Variants in EMC10 observed in about 807,000 individuals in gnomAD.
EMC10 encodes ER membrane protein complex subunit 10.
A neutral mutation model predicts 32.2 loss-of-function variants in EMC10; 40 were observed. The observed-to-expected ratio is 1.24, with a 90% CI of 0.96 to 1.61. The LOEUF is 1.61. EMC10 is among the 40% of genes most tolerant of loss of function. The pLI, the probability that EMC10 is intolerant of heterozygous loss-of-function variation, is 0.00. For synonymous variants in EMC10, 178 were observed against 158.4 expected, an observed-to-expected ratio of 1.12 and a Z score of -0.93; for missense variants, 402 against 357.7, an observed-to-expected ratio of 1.12 and a Z score of -1.00.
chr19:50,478,078 C>T, intron 2 of EMC10, 77 bp downstream of exon 2: 1 of 1,231,516 alleles, frequency 8.1e-7, no homozygotes, highest in East Asian at 2.6e-5. Context: ...CTGGGTGCCT[C>T]CCGTCGTATG....
At chr19:50,481,579 C>G in intron 6 of EMC10, 2 of 477,024 alleles carry the variant, frequency 4.2e-6, no homozygotes, top group Non-Finnish European at 7.4e-6. Flanking sequence ...GGAGCCCAGG[C>G]AGGCCAAGGC....
rs1978519623 is a variant in EMC10, at chr19:50,489,213, C to G, written c.*6954C>G. ...AAAGAACAGGCCGGGCATGGTGCCT[C>G]GCACCTGTGGTCCCAGCACTTTGAG... On this transcript the variant is annotated 3_prime_UTR_variant, in exon 7 of 7. Transcript: ENST00000334976. 1 of 152,428 alleles carries G rather than the reference C, an allele frequency of 6.6e-6. No individual in the cohort carries two copies. Among genetic ancestry groups the G allele is most frequent in the Non-Finnish European group, 1.5e-5 (1 of 68,254 alleles). The allele number at this position is 152,428 out of a possible 1,614,324, so 9.4% of individuals were successfully genotyped here. A position where few individuals can be genotyped will look rare whatever the true frequency, so the allele number is the denominator to read the frequency against.
chr19:50,490,302 A>C lies in EMC10; in HGVS notation c.*8043A>C, dbSNP rs888285732. The C allele has an allele frequency of 6.6e-6, 1 of 151,988 alleles. No homozygotes were observed. Among genetic ancestry groups the C allele is most frequent in the Non-Finnish European group, 1.5e-5 (1 of 68,000 alleles). 9.4% of individuals were successfully genotyped at this position (151,988 alleles called of 1,614,324 possible). A position where few individuals can be genotyped will look rare whatever the true frequency, so the allele number is the denominator to read the frequency against. ...CTAATTTTTGTATTTTTTAGTAGAGACGGGGTTTCACCATTTTGGCTAGGC... is the reference window on the plus strand; with the variant it reads ...CTAATTTTTGTATTTTTTAGTAGAGCCGGGGTTTCACCATTTTGGCTAGGC... On this transcript the variant is annotated 3_prime_UTR_variant, in exon 7 of 7. Transcript: ENST00000334976.
Position 50,480,358 on chromosome 19 carries a change from C to T in EMC10, c.402+143C>T. ...CAGACCTGGCCTTGCCTTCCGAGGC[C>T]TCCTGGTCTGGAGGGGTCGGTCCAG... On this transcript the variant is annotated intron_variant, in intron 4 of 6. Coordinates refer to ENST00000334976, the MANE Select transcript of EMC10 (RefSeq NM_206538.4). The surrounding 1 kb of genome is among the most constrained non-coding windows in gnomAD (Gnocchi z 4.4). 5.9e-6 allele frequency: 6 copies of T among 1,009,452 alleles called. No homozygotes were observed. Among genetic ancestry groups the T allele is most frequent in the Non-Finnish European group, 7.3e-6 (5 of 683,640 alleles). The allele number at this position is 1,009,452 out of a possible 1,614,324, so 62.5% of individuals were successfully genotyped here.
At chr19:50,477,222 G>A (rs1414635498) in intron 1 of EMC10, 1 of 152,360 alleles carries the variant, frequency 6.6e-6, no homozygotes, top group Non-Finnish European at 1.5e-5. Flanking sequence ...GCTCAAAATG[G>A]TGAAACCCCG....
In EMC10 at chr19:50,478,988, A is replaced by C. The variant is rs778711905; in HGVS notation, c.219A>C (p.Ser73=). Residue 73 remains serine, a synonymous_variant, in exon 3 of 7, where the codon TCA becomes TCC. Transcript: ENST00000334976. ...DDSANFRKRG[S]LLWNQQDGTL... is the part of the protein sequence containing the mutation. ...GTGCCAACTTCCGGAAGCGGGGCTC[A>C]CTGCTCTGGAACCAGCAGGATGGTA... 1 of 1,611,146 alleles carries C rather than the reference A, an allele frequency of 6.2e-7. No individual in the cohort carries two copies. The highest frequency in any genetic ancestry group is 1.1e-5 in the South Asian group (1 of 90,590).
chr19:50,481,024 G>A (rs746540114), intron 6 of EMC10, 47 bp downstream of exon 6: 253 of 1,488,140 alleles, frequency 1.7e-4, no homozygotes, highest in Non-Finnish European at 2.3e-4. Context: ...TGACAGTCCC[G>A]GTGCCTGGCC....
chr19:50,484,926 G>C lies in EMC10; in HGVS notation c.*2667G>C, dbSNP rs1417265207. ...CTTCCCCTCCCTGGAGGCAGCCTGA[G>C]TTTTCTGTCCCCTGGTATGCTGCAG... On this transcript the variant is annotated 3_prime_UTR_variant, in exon 7 of 7. Coordinates refer to ENST00000334976, the MANE Select transcript of EMC10 (RefSeq NM_206538.4). 6.6e-6 allele frequency: 1 copy of C among 152,206 alleles called. No individual in the cohort carries two copies. The highest frequency in any genetic ancestry group is 1.5e-5 in the Non-Finnish European group (1 of 68,060). 9.4% of individuals were successfully genotyped at this position (152,206 alleles called of 1,614,324 possible).
Position 50,480,776 on chromosome 19 carries a change from G to C in EMC10, c.584+14G>C, listed in dbSNP as rs2040307166. On this transcript the variant is annotated intron_variant, in intron 5 of 6. Coordinates refer to ENST00000334976, the MANE Select transcript of EMC10 (RefSeq NM_206538.4). The surrounding 1 kb of genome is among the most constrained non-coding windows in gnomAD (Gnocchi z 4.4). ...CACAGCCCCAGGGTGAGCCTCTGCT[G>C]CCTTCGCGGCGCTCTTGCCACCTGC... is the stretch of plus-strand genomic sequence containing the variant. 1 of 1,573,810 alleles carries C rather than the reference G, an allele frequency of 6.4e-7. No individual in the cohort carries two copies. The highest frequency in any genetic ancestry group is 8.6e-7 in the Non-Finnish European group (1 of 1,158,266).
In EMC10 at chr19:50,479,055, G is replaced by GT. The variant is rs1230219437; in HGVS notation, c.286_287insT (p.Gly96ValfsTer77). On this transcript the variant is annotated frameshift_variant, in exon 3 of 7. Coordinates refer to ENST00000334976, the MANE Select transcript of EMC10 (RefSeq NM_206538.4). LOFTEE classifies it high-confidence loss of function. ...GCGGCAGCTCAGCGAGGAGGAGCGG[G>GT]GCCGACTCCGGGTGAGGTGGGGCCC... 1 of 1,604,396 alleles carries GT rather than the reference G, an allele frequency of 6.2e-7. No individual in the cohort carries two copies. The highest frequency in any genetic ancestry group is 2.2e-5 in the East Asian group (1 of 44,450).
At chr19:50,477,576 T>A (rs1178762651) in intron 1 of EMC10, among the ~76,000 whole-genome samples, 3 of 152,044 alleles carry the variant, frequency 2.0e-5, no homozygotes, top group African/African-American at 7.3e-5. Context: ...GGCTGTCAGG[T>A]GATAAGGAGG....
At chr19:50,481,945 T>C (rs2040326207) in intron 6 of EMC10, 2 of 1,607,912 alleles carry the variant, frequency 1.2e-6, no homozygotes, top group African/African-American at 1.3e-5. Context: ...ACAGGAGGCC[T>C]GAGTGAGGAC....
chr19:50,476,539 G>T lies in EMC10; in HGVS notation c.-6G>T, dbSNP rs150737582. 1.0e-5 allele frequency: 16 copies of T among 1,571,494 alleles called. No homozygotes were observed. The highest frequency in any genetic ancestry group is 2.3e-4 in the Middle Eastern group (1 of 4,410). On this transcript the variant is annotated 5_prime_UTR_variant, in exon 1 of 7. Transcript: ENST00000334976. ...GCCGTCCCTTCGCTGGTGGGAAGAA[G>T]CCGAGATGGCGGCAGCCAGCGCTGG...
rs765664334 is a variant in EMC10, at chr19:50,480,883, G to T, written c.585-1G>T. ...CTTCTCCTCCTCTCCCCTTGCCCCA[G>T]CCCTGAGACGGCGGCCTTCATTGAG... On this transcript the variant is annotated splice_acceptor_variant, in intron 5 of 6. Transcript: ENST00000334976. LOFTEE classifies it high-confidence loss of function. The surrounding 1 kb of genome is among the most constrained non-coding windows in gnomAD (Gnocchi z 4.4). The T allele has an allele frequency of 8.7e-5, 140 of 1,604,164 alleles. No homozygotes were observed. The highest frequency in any genetic ancestry group is 1.2e-4 in the Non-Finnish European group (137 of 1,173,240).
rs1251980426 is a variant in EMC10 at position 50,477,962 on chromosome 19, G to A, written c.148G>A (p.Gly50Ser). Reference sequence around the variant, plus strand: ...GGAAGGTCGAGAGGGCGAGGCCTGTGGCACGGTGGGGCTGCTGCTGGAGCA... The same window carrying A: ...GGAAGGTCGAGAGGGCGAGGCCTGTAGCACGGTGGGGCTGCTGCTGGAGCA... ...GAEGREGEAC[G>S]TVGLLLEHSF... is the part of the protein sequence containing the mutation. Residue 50 changes from glycine (G) to serine (S), a missense_variant, in exon 2 of 7, where the codon GGC becomes AGC. By Grantham distance (56) the Gly-to-Ser change is moderately conservative (BLOSUM62 0). Transcript: ENST00000334976. 2 of 1,601,910 alleles carry A rather than the reference G, an allele frequency of 1.2e-6. No individual in the cohort carries two copies. Among genetic ancestry groups the A allele is most frequent in the African/African-American group, 1.4e-5 (1 of 73,932 alleles).
At position 50,480,960 on chromosome 19, in the gene EMC10, T is replaced by G; in HGVS notation, c.661T>G (p.Ser221Ala). 1 of 1,612,096 alleles carries G rather than the reference T, an allele frequency of 6.2e-7. No individual in the cohort carries two copies. Residue 221 changes from serine (S) to alanine (A), a missense_variant, in exon 6 of 7, where the codon TCC (serine) becomes GCC (alanine). By Grantham distance (99) the Ser-to-Ala change is moderately conservative. Transcript: ENST00000334976. The surrounding 1 kb of genome is among the most constrained non-coding windows in gnomAD (Gnocchi z 4.4). The stretch of plus-strand genomic sequence containing the variant: ...GGCCAAGAACCCCCAGGAGCAGAAG[T>G]CCTTCTTCGCCAAATACGTGAGTGG... ...QKAKNPQEQK[S>A]FFAKYWMYII... is the part of the protein sequence containing the mutation.
In EMC10 at chr19:50,489,705, C is replaced by G. The variant is rs1265102413; in HGVS notation, c.*7446C>G. 2 of 152,564 alleles carry G rather than the reference C, an allele frequency of 1.3e-5. No individual in the cohort carries two copies. Among genetic ancestry groups the G allele is most frequent in the African/African-American group, 4.8e-5 (2 of 41,394 alleles). 9.5% of individuals were successfully genotyped at this position (152,564 alleles called of 1,614,324 possible). ...GGGAGAGAAAGGACAACGAATGGGA[C>G]TAGACGAGGATGGGGAGGAACAGAG... is the stretch of plus-strand genomic sequence containing the variant. On this transcript the variant is annotated 3_prime_UTR_variant, in exon 7 of 7. Transcript: ENST00000334976.
In EMC10 at chr19:50,483,916, C is replaced by T. The variant is rs183670102; in HGVS notation, c.*1657C>T. On this transcript the variant is annotated 3_prime_UTR_variant, in exon 7 of 7. Coordinates refer to ENST00000334976, the MANE Select transcript of EMC10 (RefSeq NM_206538.4). ...GTCTTAGCATTGCTAACTTCTGTTTCTTTCTCCACCTGCAGGAGATAGCTT... is the reference window on the plus strand; with the variant it reads ...GTCTTAGCATTGCTAACTTCTGTTTTTTTCTCCACCTGCAGGAGATAGCTT... 1 of 150,046 alleles carries T rather than the reference C, an allele frequency of 6.7e-6. No individual in the cohort carries two copies. The allele number at this position is 150,046 out of a possible 1,614,324, so 9.3% of individuals were successfully genotyped here.
rs1978386344 is a variant in EMC10 at position 50,487,086 on chromosome 19, G to T, written c.*4827G>T. On this transcript the variant is annotated 3_prime_UTR_variant, in exon 7 of 7. Transcript: ENST00000334976. ...TTCTCTCAATGGAGGGAAGTGTCCT[G>T]CAGGGGGCGCTGTTGGTCCTTCAGG... 2 of 152,170 alleles carry T rather than the reference G, an allele frequency of 1.3e-5. No individual in the cohort carries two copies. Among genetic ancestry groups the T allele is most frequent in the South Asian group, 2.1e-4 (1 of 4,830 alleles). The allele number at this position is 152,170 out of a possible 1,614,324, so 9.4% of individuals were successfully genotyped here. A position where few individuals can be genotyped will look rare whatever the true frequency, so the allele number is the denominator to read the frequency against.
Sources: allele counts gnomAD v4.1 joint callset (sites outside exome capture counted in the v4.1 genomes callset), GRCh38; gene constraint gnomAD v4.1.1; non-coding constraint Gnocchi (gnomAD v3.1); transcripts MANE v1.5; gene names NCBI Gene and HGNC (gene_info 2026-07-23, HGNC 2026-07-21).